Variants in REEP1 observed in about 807,000 individuals in gnomAD.
The protein encoded by REEP1 is receptor expression-enhancing protein 1.
REEP1 carries 22 observed loss-of-function variants against 40.3 expected under a neutral mutation model. The ratio of observed to expected loss-of-function variants is 0.55; its 90% CI spans 0.39 to 0.78. The LOEUF (loss-of-function observed/expected upper bound fraction) is 0.78, where lower values mean the gene tolerates loss of function less well. Ranked by LOEUF, REEP1 falls within the 30% of genes least tolerant of loss-of-function variation. REEP1 has a pLI of 0.00. For missense variants in REEP1, 280 were observed against 361.1 expected, an observed-to-expected ratio of 0.78 and a Z score of 1.82; for synonymous variants, 116 against 139.2, an observed-to-expected ratio of 0.83 and a Z score of 1.17.
chr2:86,226,093 CCACCACCACCACCACCACCACCATCAT>C (rs1338836280), intron 7 of REEP1, among the ~76,000 whole-genome samples: 1 of 143,208 alleles, frequency 7.0e-6, no homozygotes, highest in Admixed American at 7.0e-5. Context: ...ACCACCACCA[CCACCACCACCACCACCACCACCATCAT>C]CACCACCACC....
intron 6 of REEP1, among the ~76,000 whole-genome samples, chr2:86,231,452 G>A (rs1354745457): frequency 6.6e-6 from 1 of 152,238 alleles, no homozygotes; most frequent in Non-Finnish European, 1.5e-5. Flanking sequence ...CTGAGCATGA[G>A]TTGCCATTCC....
chr2:86,266,430 T>C (rs1677136113), intron 2 of REEP1, among the ~76,000 whole-genome samples: 1 of 150,312 alleles, frequency 6.7e-6, no homozygotes, highest in Non-Finnish European at 1.5e-5. Flanking sequence ...CCATCCTGGC[T>C]AACAAGGTGA....
At chr2:86,284,888 G>A (rs181080199) in intron 1 of REEP1, among the ~76,000 whole-genome samples, 1 of 152,240 alleles carries the variant, frequency 6.6e-6, no homozygotes, top group African/African-American at 2.4e-5. Context: ...ATAGCACAAG[G>A]TCCCTACACA....
intron 5 of REEP1, among the ~76,000 whole-genome samples, chr2:86,247,149 A>G (rs1347549515): frequency 6.6e-6 from 1 of 152,068 alleles, no homozygotes; most frequent in Non-Finnish European, 1.5e-5. Context: ...ACCAGTTAGG[A>G]GACAGGTACC....
chr2:86,313,874 A>C lies in REEP1; in HGVS notation c.32+23605T>G, dbSNP rs541746375. On this transcript the variant is annotated intron_variant, in intron 1 of 8. Coordinates refer to ENST00000538924, the MANE Select transcript of REEP1 (RefSeq NM_001371279.1). ...TGATGGAATCATCCTGCAGTGCCAG[A>C]TCTTCTGACTCTTCAAGAGAAGCCC... Among the ~76,000 whole-genome samples the C allele has an allele frequency of 2.6e-5, 4 of 152,316 alleles. No homozygotes were observed. In the South Asian group the frequency reaches 8.3e-4, roughly 32 times the overall value.
chr2:86,308,912 G>A (rs1263841825), intron 1 of REEP1, among the ~76,000 whole-genome samples: 3 of 152,294 alleles, frequency 2.0e-5, no homozygotes, highest in Admixed American at 2.0e-4. Flanking sequence ...TCTAGAACTA[G>A]GGACTGGAGA....
At position 86,233,664 on chromosome 2, in the gene REEP1, GT is replaced by G. The variant is rs528765051; in HGVS notation, c.418-863del. Among the ~76,000 whole-genome samples the G allele has an allele frequency of 3.2e-3, 484 of 152,230 alleles. 3 individuals carry two copies. Among genetic ancestry groups the G allele is most frequent in the Non-Finnish European group, 3.9e-3 (262 of 68,020 alleles). ...TGTGCCTCAGGGGCTGCAGAGAGAG[GT>G]TATGGAAACCTGAGAGTGGGAGGAG... On this transcript the variant is annotated intron_variant, in intron 5 of 8. Transcript: ENST00000538924.
Position 86,264,023 on chromosome 2 carries a change from A to C in REEP1, c.124T>G (p.Trp42Gly). The change falls in exon 3 of 9, where the codon TGG becomes GGG. Residue 42 changes from tryptophan to glycine, a missense_variant. By Grantham distance (184) the Trp-to-Gly change is radical. Transcript: ENST00000538924. ...GTGGTGAAAAGTGCAAATATAATCC[A>C]GTACATCATCCATTTGACCTGTTGA... ...IKEYVKWMMY[W>G]IIFALFTTAE... is the part of the protein sequence containing the mutation. 1 of 1,613,500 alleles carries C rather than the reference A, an allele frequency of 6.2e-7. No individual in the cohort carries two copies. The highest frequency in any genetic ancestry group is 1.1e-5 in the South Asian group (1 of 91,066).
At chr2:86,326,888 C>T (rs374267471) in intron 1 of REEP1, among the ~76,000 whole-genome samples, 3 of 152,280 alleles carry the variant, frequency 2.0e-5, no homozygotes, top group East Asian at 3.9e-4. Context: ...AGGTTCTAGT[C>T]CAATTCTCTA....
chr2:86,245,883 G>A (rs1384127976), intron 5 of REEP1, among the ~76,000 whole-genome samples: 4 of 151,494 alleles, frequency 2.6e-5, no homozygotes, highest in Non-Finnish European at 2.9e-5. Context: ...TCCTGCCTCA[G>A]CCTCCCGAGT....
Position 86,314,116 on chromosome 2 carries a change from C to T in REEP1, c.32+23363G>A, listed in dbSNP as rs144316430. ...ACAGTGACTGGAATGATCTATCTAC[C>T]CAGGAAGCTTCTGCAAATTCTCCCG... On this transcript the variant is annotated intron_variant, in intron 1 of 8. Transcript: ENST00000538924. Among the ~76,000 whole-genome samples the T allele has an allele frequency of 2.5e-3, 375 of 152,248 alleles. 3 individuals are homozygous for T. The highest frequency in any genetic ancestry group is 8.6e-3 in the African/African-American group (359 of 41,538).
chr2:86,303,886 G>A (rs954996051), intron 1 of REEP1, among the ~76,000 whole-genome samples: 9 of 152,114 alleles, frequency 5.9e-5, no homozygotes, highest in Middle Eastern at 3.2e-3. Context: ...CTAGGCTGAG[G>A]GGAGGAATCA....
chr2:86,263,880 G>T, intron 3 of REEP1, 85 bp downstream of exon 3: 1 of 977,798 alleles, frequency 1.0e-6, no homozygotes, highest in Non-Finnish European at 1.7e-6. Context: ...GAGGTTTGAG[G>T]CTGGGTTCAG....
At chr2:86,242,214 T>C (rs1307167115) in intron 5 of REEP1, among the ~76,000 whole-genome samples, 1 of 152,144 alleles carries the variant, frequency 6.6e-6, no homozygotes, top group Non-Finnish European at 1.5e-5. Context: ...TGTTTGCAGG[T>C]GAAGAAGCGA....
At chr2:86,331,206 C>T (rs1393477765) in intron 1 of REEP1, among the ~76,000 whole-genome samples, 2 of 152,176 alleles carry the variant, frequency 1.3e-5, no homozygotes, top group African/African-American at 2.4e-5. Context: ...ACTCTGGAAC[C>T]CATAGGCAAG....
chr2:86,309,885 C>T (rs1679679468), intron 1 of REEP1, among the ~76,000 whole-genome samples: 1 of 152,116 alleles, frequency 6.6e-6, no homozygotes, highest in African/African-American at 2.4e-5. Context: ...CTGAATCTAA[C>T]GTCTGTGTTT....
intron 2 of REEP1, among the ~76,000 whole-genome samples, chr2:86,275,152 A>C (rs561437271): frequency 6.6e-6 from 1 of 152,198 alleles, no homozygotes; most frequent in South Asian, 2.1e-4. Flanking sequence ...AGAAAGAAAA[A>C]ATTCAAGCCT....
intron 1 of REEP1, among the ~76,000 whole-genome samples, chr2:86,293,564 A>T (rs768283140): frequency 1.3e-5 from 2 of 152,264 alleles, no homozygotes; most frequent in Non-Finnish European, 2.9e-5. Flanking sequence ...TACAGTAAAA[A>T]GGGTGAATTT....
chr2:86,333,507 T>C (rs1025320316), intron 1 of REEP1, among the ~76,000 whole-genome samples: 2 of 152,220 alleles, frequency 1.3e-5, no homozygotes, highest in African/African-American at 4.8e-5. Context: ...GACTTAGAAC[T>C]CTCTTTCCCC....
Sources: allele counts gnomAD v4.1 joint callset (sites outside exome capture counted in the v4.1 genomes callset), GRCh38; gene constraint gnomAD v4.1.1; transcripts MANE v1.5; gene names NCBI Gene and HGNC (gene_info 2026-07-23, HGNC 2026-07-21).